The following RSPH14 variants were observed in gnomAD, a reference collection of about 807,000 sequenced individuals.
RSPH14 encodes the protein rhabdoid tumor deletion region gene 1.
RSPH14 carries 20 observed loss-of-function variants against 26.7 expected under a neutral mutation model. The observed-to-expected ratio is 0.75, with a 90% CI of 0.53 to 1.09. The LOEUF is 1.09. RSPH14 is among the 50% of genes least tolerant of loss of function. The probability of loss-of-function intolerance (pLI) is 0.00; values close to 1 mark genes in which losing one functional copy is unlikely to be tolerated. For synonymous variants in RSPH14, 177 were observed against 189.3 expected (o/e 0.93, Z 0.53); for missense variants, 449 against 457.2 (o/e 0.98, Z 0.16).
At chr22:23,084,746 A>G (rs3788345) in intron 4 of RSPH14, among the ~76,000 whole-genome samples, 52,329 of 152,080 alleles carry the variant, frequency 0.34, 9,802 homozygotes, top group African/African-American at 0.5. Flanking sequence ...AGCTGGACAG[A>G]GAGCCATTCA....
chr22:23,082,057 G>A (rs1246921979), intron 4 of RSPH14, among the ~76,000 whole-genome samples: 6 of 150,030 alleles, frequency 4.0e-5, no homozygotes, highest in Non-Finnish European at 7.4e-5. Context: ...CCCAGGACGC[G>A]GAGCTTGCAG....
In RSPH14 at chr22:23,073,055, T is replaced by G. The variant is rs1435298390; in HGVS notation, c.422-8922A>C. On this transcript the variant is annotated intron_variant, in intron 4 of 6. Transcript: ENST00000216036. ...GTCATCTTGTGTGTGAACACATGTG[T>G]GCGGCTTCCTCCCCTGGAGGCAAGG... Among the ~76,000 whole-genome samples, 3 of 152,362 alleles carry G rather than the reference T, an allele frequency of 2.0e-5. No homozygotes were observed. The East Asian group carries it at 5.8e-4, about 29-fold the overall frequency.
the RSPH14 span, chr22:23,161,349 C>T: frequency 3.9e-6 from 3 of 773,100 alleles, no homozygotes; most frequent in South Asian, 1.6e-5. Context: ...CCTGGAAGGC[C>T]CTCTCTTGGC....
At chr22:23,127,932 G>A (rs986941920) in intron 4 of RSPH14, among the ~76,000 whole-genome samples, 2 of 152,154 alleles carry the variant, frequency 1.3e-5, no homozygotes, top group African/African-American at 4.8e-5. Flanking sequence ...CCTCCTCTCG[G>A]GCTGGTGCTC....
chr22:23,102,077 A>G (rs1163573033), intron 4 of RSPH14, among the ~76,000 whole-genome samples: 1 of 152,084 alleles, frequency 6.6e-6, no homozygotes, highest in Admixed American at 6.5e-5. Flanking sequence ...CCCCACCAAC[A>G]CTTGTGAACA....
intron 4 of RSPH14, among the ~76,000 whole-genome samples, chr22:23,079,716 C>T (rs1419668673): frequency 6.6e-6 from 1 of 152,184 alleles, no homozygotes; most frequent in Non-Finnish European, 1.5e-5. Flanking sequence ...AGATGAGAGG[C>T]TGGGGCTGGC....
chr22:23,151,796 C>T, the RSPH14 span, among the ~76,000 whole-genome samples: 1 of 152,210 alleles, frequency 6.6e-6, no homozygotes, highest in African/African-American at 2.4e-5. Context: ...GGCGGCTGCT[C>T]TTGGGGAACA....
At chr22:23,125,969 G>T (rs1445582382) in intron 4 of RSPH14, among the ~76,000 whole-genome samples, 1 of 152,142 alleles carries the variant, frequency 6.6e-6, no homozygotes, top group Non-Finnish European at 1.5e-5. Context: ...ACGCAGCCCT[G>T]GTGCTGTCAC....
intron 6 of RSPH14, among the ~76,000 whole-genome samples, chr22:23,061,533 G>A (rs1208599400): frequency 1.3e-5 from 2 of 152,184 alleles, no homozygotes; most frequent in Non-Finnish European, 2.9e-5. Context: ...CTGGGTGGGA[G>A]GCGGGAATTC....
At chr22:23,158,187 CTACT>C in the RSPH14 span, 1 of 1,492,146 alleles carries the variant, frequency 6.7e-7, no homozygotes, top group African/African-American at 1.4e-5. Flanking sequence ...TGCCCACGGA[CTACT>C]TACTGTCCAA....
chr22:23,079,866 G>A (rs5759580), intron 4 of RSPH14, among the ~76,000 whole-genome samples: 39,057 of 152,074 alleles, frequency 0.26, 5,114 homozygotes, highest in East Asian at 0.36. Context: ...TGGGCATGTA[G>A]TGGACACCAC....
chr22:23,091,388 A>G (rs992619815), intron 4 of RSPH14, among the ~76,000 whole-genome samples: 1 of 152,146 alleles, frequency 6.6e-6, no homozygotes, highest in African/African-American at 2.4e-5. Context: ...ATGGACCTGC[A>G]TACACACAGG....
rs2068148324 is a variant in RSPH14, at chr22:23,064,027, G to A, written c.528C>T (p.Val176=). ...EFQEFILDTL[V]LCLQEDATEA... Reference sequence around the variant, plus strand: ...CGGTGGCATCCTCCTGCAGGCAGAGGACCAGTGTGTCCAGGATGAACTCCT... The same window carrying A: ...CGGTGGCATCCTCCTGCAGGCAGAGAACCAGTGTGTCCAGGATGAACTCCT... The change falls in exon 5 of 7, where the codon GTC becomes GTT. Residue 176 remains valine, a synonymous_variant. Transcript: ENST00000216036. 1.2e-6 allele frequency: 2 copies of A among 1,614,080 alleles called. No individual in the cohort carries two copies. The highest frequency in any genetic ancestry group is 2.2e-5 in the East Asian group (1 of 44,898).
intron 4 of RSPH14, among the ~76,000 whole-genome samples, chr22:23,130,955 AGCGATGCCCTCCCTG>A (rs2070350221): frequency 6.6e-6 from 1 of 152,268 alleles, no homozygotes; most frequent in Non-Finnish European, 1.5e-5. Context: ...TCCCTGGCCC[AGCGATGCCCTCCCTG>A]GCAGATGCTC....
intron 3 of RSPH14, chr22:23,136,166 T>C: frequency 1.5e-6 from 1 of 661,204 alleles, no homozygotes; most frequent in Non-Finnish European, 2.8e-6. Context: ...CAGTTGTGTT[T>C]GCCTGTGTGC....
the RSPH14 span, among the ~76,000 whole-genome samples, chr22:23,157,797 T>C: frequency 6.6e-6 from 1 of 152,130 alleles, no homozygotes; most frequent in African/African-American, 2.4e-5. Flanking sequence ...GGCTGCCGGG[T>C]GCAGGCTGGA....
chr22:23,063,648 A>G (rs968328024), intron 5 of RSPH14, among the ~76,000 whole-genome samples: 3 of 152,120 alleles, frequency 2.0e-5, no homozygotes, highest in Non-Finnish European at 4.4e-5. Flanking sequence ...GGCCTTCCTC[A>G]TGGGGAGGGG....
the RSPH14 span, among the ~76,000 whole-genome samples, chr22:23,179,301 C>T: frequency 6.6e-6 from 1 of 152,276 alleles, no homozygotes; most frequent in East Asian, 1.9e-4. Flanking sequence ...GACTCAAGCC[C>T]AGTAATTCAT....
chr22:23,104,058 C>T (rs964666255), intron 4 of RSPH14, among the ~76,000 whole-genome samples: 10 of 150,580 alleles, frequency 6.6e-5, no homozygotes, highest in African/African-American at 2.0e-4. Flanking sequence ...TTGGGATGAA[C>T]GTGGGGGTGG....
Sources: allele counts gnomAD v4.1 joint callset (sites outside exome capture counted in the v4.1 genomes callset), GRCh38; gene constraint gnomAD v4.1.1; transcripts MANE v1.5; gene names NCBI Gene and HGNC (gene_info 2026-07-23, HGNC 2026-07-21).